UNC13C: variants seen among roughly 807,000 people sequenced by gnomAD.
The protein encoded by UNC13C is protein unc-13 homolog C.
Under a neutral mutation model 245.4 loss-of-function variants are expected in UNC13C, and 174 were observed. That is an observed-to-expected ratio of 0.71 (90% CI 0.63 to 0.80). The LOEUF (loss-of-function observed/expected upper bound fraction) is 0.80, where lower values mean the gene tolerates loss of function less well. Among genes scored for constraint, UNC13C ranks in the 30% least tolerant of loss-of-function variants. The pLI, the probability that UNC13C is intolerant of heterozygous loss-of-function variation, is 0.00. For missense variants in UNC13C, 2,829 were observed against 2,602.9 expected (o/e 1.09, Z -1.89); for synonymous variants, 992 against 895.1 (o/e 1.11, Z -1.93).
the UNC13C span, among the ~76,000 whole-genome samples, chr15:53,966,667 A>G: frequency 6.6e-6 from 1 of 151,708 alleles, no homozygotes. Context: ...TTTTGTCTGG[A>G]TATCCAAATA....
At chr15:53,873,057 A>C in the UNC13C span, among the ~76,000 whole-genome samples, 2 of 152,152 alleles carry the variant, frequency 1.3e-5, no homozygotes, top group African/African-American at 4.8e-5. Context: ...AGATATTCCC[A>C]GCTGTTGCCT....
At chr15:54,278,797 A>C (rs555496109) in intron 10 of UNC13C, among the ~76,000 whole-genome samples, 5 of 152,284 alleles carry the variant, frequency 3.3e-5, no homozygotes, top group African/African-American at 1.2e-4. Flanking sequence ...GACCTATAAA[A>C]ATGGAAATAT....
At chr15:54,416,475 T>A (rs898767016) in intron 19 of UNC13C, among the ~76,000 whole-genome samples, 7 of 152,130 alleles carry the variant, frequency 4.6e-5, no homozygotes, top group African/African-American at 1.7e-4. Flanking sequence ...AGAGGTACAA[T>A]TCCTTACTTT....
In UNC13C at chr15:54,170,425, A is replaced by G. The variant is rs114198995; in HGVS notation, c.3071+26741A>G. 9.4e-3 allele frequency among the ~76,000 whole-genome samples: 1,424 copies of G among 152,270 alleles called. 23 individuals are homozygous for G. The highest frequency in any genetic ancestry group is 0.033 in the African/African-American group (1,358 of 41,540). On this transcript the variant is annotated intron_variant, in intron 4 of 32. Coordinates refer to ENST00000260323, the MANE Select transcript of UNC13C (RefSeq NM_001080534.3). Reference sequence around the variant, plus strand: ...ATCTAATACATAAAAATATGAAGGGAGTATAAATATATAAAAAGAGATGAT... The same window carrying G: ...ATCTAATACATAAAAATATGAAGGGGGTATAAATATATAAAAAGAGATGAT...
chr15:54,241,061 T>G lies in UNC13C; in HGVS notation c.3228+3371T>G, dbSNP rs188552443. On this transcript the variant is annotated intron_variant, in intron 7 of 32. Transcript: ENST00000260323. The stretch of plus-strand genomic sequence containing the variant: ...TACTTAATTTTGTATCCACTCTTGC[T>G]GCAAGTCACATGGAAGCTTCTAGTA... Among the ~76,000 whole-genome samples, 21 of 152,316 alleles carry G rather than the reference T, an allele frequency of 1.4e-4. No individual in the cohort carries two copies. In the East Asian group the frequency reaches 3.5e-3, roughly 25 times the overall value.
chr15:54,103,167 C>G (rs751911801), intron 2 of UNC13C, among the ~76,000 whole-genome samples: 16 of 152,202 alleles, frequency 1.1e-4, no homozygotes, highest in Non-Finnish European at 2.1e-4. Context: ...ATCATTATAA[C>G]TGTGATACAC....
intron 13 of UNC13C, among the ~76,000 whole-genome samples, chr15:54,315,950 C>T (rs972132612): frequency 2.6e-5 from 4 of 151,812 alleles, no homozygotes; most frequent in African/African-American, 9.7e-5. Context: ...TTCAGACATC[C>T]ATCGTCTCTT....
the UNC13C span, among the ~76,000 whole-genome samples, chr15:53,934,571 A>G: frequency 6.6e-6 from 1 of 152,210 alleles, no homozygotes; most frequent in Non-Finnish European, 1.5e-5. Context: ...GACAACTGTA[A>G]TATGTTTGTA....
the UNC13C span, among the ~76,000 whole-genome samples, chr15:53,923,937 T>G: frequency 9.8e-3 from 1,494 of 152,356 alleles, 33 homozygotes; most frequent in African/African-American, 0.033. Context: ...CTGGGCGCGG[T>G]GGCTCGCGCC....
chr15:54,579,423 A>G (rs1898105240), intron 30 of UNC13C, among the ~76,000 whole-genome samples: 3 of 152,192 alleles, frequency 2.0e-5, no homozygotes, highest in Admixed American at 6.5e-5. Context: ...AAGTCTTTTA[A>G]GGCCTTGGAT....
intron 16 of UNC13C, among the ~76,000 whole-genome samples, chr15:54,337,262 A>C (rs1596244691): frequency 6.6e-6 from 1 of 152,166 alleles, no homozygotes; most frequent in African/African-American, 2.4e-5. Flanking sequence ...TCTTCTCTTC[A>C]CTATCCATAC....
upstream of UNC13C, among the ~76,000 whole-genome samples, chr15:53,977,150 C>CG (rs1893735935): frequency 6.6e-6 from 1 of 152,192 alleles, no homozygotes; most frequent in African/African-American, 2.4e-5. Flanking sequence ...ACTTAAGCAG[C>CG]GGGTAAGGGA....
At chr15:54,574,995 G>A (rs538364145) in intron 30 of UNC13C, among the ~76,000 whole-genome samples, 1 of 151,870 alleles carries the variant, frequency 6.6e-6, no homozygotes, top group Non-Finnish European at 1.5e-5. Context: ...CTTTTTATTG[G>A]TCATTTTTAT....
chr15:54,084,203 C>T (rs971999674), intron 2 of UNC13C, among the ~76,000 whole-genome samples: 1 of 152,212 alleles, frequency 6.6e-6, no homozygotes, highest in Non-Finnish European at 1.5e-5. Flanking sequence ...CTTGAGAGCC[C>T]GTCCATTCAC....
intron 2 of UNC13C, among the ~76,000 whole-genome samples, chr15:54,039,219 A>G (rs1425333200): frequency 1.3e-5 from 2 of 152,128 alleles, no homozygotes; most frequent in Non-Finnish European, 2.9e-5. Context: ...TGATTCTCTT[A>G]GTATGTTTTA....
At chr15:54,434,760 T>G (rs1162051505) in intron 19 of UNC13C, among the ~76,000 whole-genome samples, 1 of 152,144 alleles carries the variant, frequency 6.6e-6, no homozygotes, top group Non-Finnish European at 1.5e-5. Flanking sequence ...AAAGAGCTTC[T>G]GCACAGCAAA....
chr15:54,446,673 G>C (rs540119175), intron 19 of UNC13C, among the ~76,000 whole-genome samples: 98 of 152,278 alleles, frequency 6.4e-4, no homozygotes, highest in Middle Eastern at 3.4e-3. Flanking sequence ...TTGCTTATCA[G>C]CTTAAGGAGA....
At chr15:54,042,485 C>T (rs1169136189) in intron 2 of UNC13C, among the ~76,000 whole-genome samples, 1 of 152,108 alleles carries the variant, frequency 6.6e-6, no homozygotes, top group Non-Finnish European at 1.5e-5. Context: ...TCTTATATTC[C>T]AGTGGAGGAC....
intron 17 of UNC13C, among the ~76,000 whole-genome samples, chr15:54,371,350 T>C (rs1186955354): frequency 1.3e-5 from 2 of 152,180 alleles, no homozygotes; most frequent in African/African-American, 2.4e-5. Context: ...ATCAAAATGA[T>C]GGAAATGTAT....
Sources: allele counts gnomAD v4.1 joint callset (sites outside exome capture counted in the v4.1 genomes callset), GRCh38; gene constraint gnomAD v4.1.1; transcripts MANE v1.5; gene names NCBI Gene and HGNC (gene_info 2026-07-23, HGNC 2026-07-21).